SEC31A: variants seen among roughly 807,000 people sequenced by gnomAD.
The protein encoded by SEC31A is protein transport protein Sec31A.
SEC31A carries 70 observed loss-of-function variants against 151.0 expected under a neutral mutation model. The observed-to-expected ratio is 0.46, with a 90% CI of 0.38 to 0.57. The LOEUF is 0.57. Among genes scored for constraint, SEC31A ranks in the 20% least tolerant of loss-of-function variants. SEC31A has a pLI of 0.00. For missense variants in SEC31A, 1,330 were observed against 1,471.2 expected (o/e 0.90, Z 1.57); for synonymous variants, 475 against 505.9 (o/e 0.94, Z 0.82).
chr4:82,871,322 A>T, intron 7 of SEC31A: 1 of 1,497,400 alleles, frequency 6.7e-7, no homozygotes, highest in Non-Finnish European at 8.9e-7. Context: ...ACACACACAC[A>T]CACACACACA....
chr4:82,872,756 T>C (rs992976593), intron 6 of SEC31A, among the ~76,000 whole-genome samples: 2 of 152,040 alleles, frequency 1.3e-5, no homozygotes, highest in Non-Finnish European at 2.9e-5. Context: ...CAGGCTGGAG[T>C]GCAGTGTGGC....
intron 3 of SEC31A, among the ~76,000 whole-genome samples, chr4:82,899,172 A>C (rs375962090): frequency 3.3e-4 from 51 of 152,326 alleles, no homozygotes; most frequent in South Asian, 2.1e-3. Context: ...GGCACACGGA[A>C]ACTAAATTAG....
At chr4:82,868,821 G>A (rs1006229424) in intron 8 of SEC31A, among the ~76,000 whole-genome samples, 1 of 151,218 alleles carries the variant, frequency 6.6e-6, no homozygotes, top group East Asian at 2.0e-4. Flanking sequence ...TCAGCCTCCC[G>A]AGTGGCTAGG....
rs1046566159 is a variant in SEC31A at position 82,865,907 on chromosome 4, T to A, written c.1197+901A>T. On this transcript the variant is annotated intron_variant, in intron 10 of 26. Coordinates refer to ENST00000395310, the MANE Select transcript of SEC31A (RefSeq NM_001077207.4). ...CACTACTGTAGTATATATTTAAAAA[T>A]GGTTGTAGTGTATATTTTAAAATGG... Among the ~76,000 whole-genome samples, 8 of 152,044 alleles carry A rather than the reference T, an allele frequency of 5.3e-5. No individual in the cohort carries two copies. The East Asian group carries it at 1.5e-3, about 29-fold the overall frequency.
chr4:82,835,283 A>C (rs972099025), intron 22 of SEC31A, among the ~76,000 whole-genome samples: 14 of 152,210 alleles, frequency 9.2e-5, no homozygotes, highest in African/African-American at 3.4e-4. Context: ...TTCATTACGG[A>C]TGTGAAAAAT....
chr4:82,849,313 A>C (rs1251503735), intron 19 of SEC31A, among the ~76,000 whole-genome samples: 1 of 152,076 alleles, frequency 6.6e-6, no homozygotes, highest in Non-Finnish European at 1.5e-5. Context: ...TTACAAAACT[A>C]CTTTAAAAAC....
chr4:82,883,114 G>C (rs1386593902), intron 1 of SEC31A, among the ~76,000 whole-genome samples: 1 of 151,462 alleles, frequency 6.6e-6, no homozygotes, highest in Non-Finnish European at 1.5e-5. Flanking sequence ...AGCGAGACTC[G>C]GTCTCAAAAA....
At chr4:82,859,339 A>G (rs1733532195) in intron 14 of SEC31A, among the ~76,000 whole-genome samples, 1 of 152,236 alleles carries the variant, frequency 6.6e-6, no homozygotes, top group Admixed American at 6.5e-5. Flanking sequence ...TGCTTTCTTT[A>G]GAAGAAATAT....
chr4:82,832,395 T>C (rs185554265), intron 22 of SEC31A, among the ~76,000 whole-genome samples: 3 of 152,220 alleles, frequency 2.0e-5, no homozygotes, highest in East Asian at 3.9e-4. Flanking sequence ...TTACACCCTA[T>C]ATAAAGATCA....
Position 82,827,605 on chromosome 4 carries a change from G to A in SEC31A, c.3055C>T (p.Pro1019Ser). 1 of 1,614,100 alleles carries A rather than the reference G, an allele frequency of 6.2e-7. No individual in the cohort carries two copies. Among genetic ancestry groups the A allele is most frequent in the South Asian group, 1.1e-5 (1 of 91,064 alleles). ...KMPENFMPPV[P>S]ITSPIMNPLG... is the part of the protein sequence containing the mutation. ...GGGTTCATGATTGGTGATGTGATGGGAACAGGAGGCATGAAGTTTTCAGGC... is the reference window on the plus strand; with the variant it reads ...GGGTTCATGATTGGTGATGTGATGGAAACAGGAGGCATGAAGTTTTCAGGC... Residue 1019 changes from proline to serine, a missense_variant, in exon 24 of 27, where the codon CCC (proline) becomes TCC (serine). By Grantham distance (74) the Pro-to-Ser change is moderately conservative (BLOSUM62 -1). Transcript: ENST00000395310.
At chr4:82,822,510 A>C (rs1001965479) in intron 25 of SEC31A, among the ~76,000 whole-genome samples, 5 of 152,214 alleles carry the variant, frequency 3.3e-5, no homozygotes, top group South Asian at 2.1e-4. Context: ...TGCTTGGAGA[A>C]GAGAGAGAAG....
At chr4:82,838,032 C>T (rs183702431) in intron 22 of SEC31A, among the ~76,000 whole-genome samples, 9 of 152,232 alleles carry the variant, frequency 5.9e-5, no homozygotes, top group African/African-American at 2.2e-4. Context: ...AAATGAGTAT[C>T]ACAAAATTAA....
At chr4:82,851,379 T>C (rs1009375365) in intron 19 of SEC31A, 52 bp downstream of exon 19, 2 of 1,416,356 alleles carry the variant, frequency 1.4e-6, no homozygotes, top group South Asian at 1.3e-5. Flanking sequence ...CTAAGTGTTA[T>C]CTACTGGACT....
chr4:82,819,212 C>T lies in SEC31A; in HGVS notation c.3525G>A (p.Arg1175=), dbSNP rs72925480. 7,002 of 1,608,904 alleles carry T rather than the reference C, an allele frequency of 4.4e-3. 230 individuals carry two copies. The African/African-American group carries it at 0.074, about 17-fold the overall frequency. The change falls in exon 27 of 27, where the codon AGG becomes AGA. Residue 1175 remains arginine, a synonymous_variant. Transcript: ENST00000395310. ...TITSGLHNIA[R]SIETRNYSEG... ...CTGAGTAGTTTCGAGTTTCAATGCT[C>T]CTTGCAATGTTGTGTAAACCACTGG...
chr4:82,833,120 G>A (rs1726355974), intron 22 of SEC31A, among the ~76,000 whole-genome samples: 1 of 152,100 alleles, frequency 6.6e-6, no homozygotes, highest in Non-Finnish European at 1.5e-5. Context: ...GTTTACTTTG[G>A]CACTATTCAC....
rs117572934 is a variant in SEC31A, at chr4:82,835,777, G to A, written c.2968+6363C>T. On this transcript the variant is annotated intron_variant, in intron 22 of 26. Coordinates refer to ENST00000395310, the MANE Select transcript of SEC31A (RefSeq NM_001077207.4). ...GCCACTGCACTCCAGCCTGAGTGACGGAGTGGAACAAAAAAAAAGGAAAAA... is the reference window on the plus strand; with the variant it reads ...GCCACTGCACTCCAGCCTGAGTGACAGAGTGGAACAAAAAAAAAGGAAAAA... Among the ~76,000 whole-genome samples, 43 of 151,798 alleles carry A rather than the reference G, an allele frequency of 2.8e-4. 2 individuals are homozygous for A. The East Asian group carries it at 6.0e-3, about 21-fold the overall frequency.
chr4:82,874,673 C>T lies in SEC31A; in HGVS notation c.577G>A (p.Ala193Thr), dbSNP rs779338694. 1.9e-6 allele frequency: 3 copies of T among 1,613,434 alleles called. No homozygotes were observed. Among genetic ancestry groups the T allele is most frequent in the Middle Eastern group, 1.7e-4 (1 of 6,058 alleles). Residue 193 changes from alanine (A) to threonine (T), a missense_variant, in exon 6 of 27, where the codon GCC becomes ACC. Ala to Thr is a moderately conservative substitution (Grantham distance 58). Coordinates refer to ENST00000395310, the MANE Select transcript of SEC31A (RefSeq NM_001077207.4). Reference sequence around the variant, plus strand: ...TTTTTTCTAAGATCCCATACAGTGGCCCGGCCACTGGGACTGGCTGATGCT... The same window carrying T: ...TTTTTTCTAAGATCCCATACAGTGGTCCGGCCACTGGGACTGGCTGATGCT... The part of the protein sequence containing the change: ...ILASASPSGR[A>T]TVWDLRKNEP...
intron 22 of SEC31A, 93 bp from the exon 23 acceptor site, chr4:82,829,151 T>C: frequency 1.9e-6 from 2 of 1,043,978 alleles, no homozygotes; most frequent in East Asian, 2.4e-5. Flanking sequence ...AAATTCTGCC[T>C]TAACCCTGAA....
At chr4:82,884,121 G>A (rs565325553) in intron 1 of SEC31A, among the ~76,000 whole-genome samples, 1 of 151,296 alleles carries the variant, frequency 6.6e-6, no homozygotes, top group East Asian at 2.0e-4. Context: ...CAAGTAACTG[G>A]GATTACAGGC....
Sources: gnomAD v4.1 joint callset for allele counts (sites outside exome capture counted in the v4.1 genomes callset) on GRCh38, gnomAD v4.1.1 for gene constraint, MANE v1.5 for transcripts, NCBI Gene and HGNC (gene_info 2026-07-23, HGNC 2026-07-21) for gene names.